The following F13A1 variants were observed in gnomAD, a reference collection of about 807,000 sequenced individuals.
The protein encoded by F13A1 is FSF, A subunit.
A neutral mutation model predicts 80.1 loss-of-function variants in F13A1; 47 were observed. The observed-to-expected ratio is 0.59, with a 90% CI of 0.46 to 0.75. The LOEUF (loss-of-function observed/expected upper bound fraction) is 0.75, where lower values mean the gene tolerates loss of function less well. F13A1 is among the 30% of genes least tolerant of loss of function. F13A1 has a pLI of 0.00. For missense variants in F13A1, 817 were observed against 930.4 expected (o/e 0.88, Z 1.59); for synonymous variants, 349 against 344.9 (o/e 1.01, Z -0.13).
chr6:6,145,447 G>T lies in F13A1; in HGVS notation c.*172C>A. On this transcript the variant is annotated 3_prime_UTR_variant, in exon 15 of 15. Transcript: ENST00000264870. ...ACTAACTTCCTTGCCGAATAGCCTG[G>T]GTTTGGAAAAGCATGTTTTTGAAAT... 1 of 787,042 alleles carries T rather than the reference G, an allele frequency of 1.3e-6. No homozygotes were observed. The highest frequency in any genetic ancestry group is 2.1e-6 in the Non-Finnish European group (1 of 468,154). 48.8% of individuals were successfully genotyped at this position (787,042 alleles called of 1,614,324 possible). A position where few individuals can be genotyped will look rare whatever the true frequency, so the allele number is the denominator to read the frequency against.
In F13A1 at chr6:6,297,371, T is replaced by C. The variant is rs1322636684; in HGVS notation, c.319+7980A>G. On this transcript the variant is annotated intron_variant, in intron 3 of 14. Transcript: ENST00000264870. Reference sequence around the variant, plus strand: ...GGTAGAATTTGGCTGTGAATCCATCTGGTCCTGGACTCTTTTTGGTTGGTA... The same window carrying C: ...GGTAGAATTTGGCTGTGAATCCATCCGGTCCTGGACTCTTTTTGGTTGGTA... Among the ~76,000 whole-genome samples, 753 of 150,736 alleles carry C rather than the reference T, an allele frequency of 5.0e-3. 4 individuals are homozygous for C. The highest frequency in any genetic ancestry group is 9.2e-3 in the Admixed American group (140 of 15,158).
chr6:6,275,241 C>T (rs551422043), intron 3 of F13A1, among the ~76,000 whole-genome samples: 5 of 151,886 alleles, frequency 3.3e-5, no homozygotes, highest in Admixed American at 2.0e-4. Context: ...AGGAAGTAGA[C>T]GCAACAGGTA....
intron 3 of F13A1, among the ~76,000 whole-genome samples, chr6:6,285,446 A>C (rs1758124363): frequency 6.6e-6 from 1 of 152,266 alleles, no homozygotes; most frequent in African/African-American, 2.4e-5. Flanking sequence ...CAAAACCTCC[A>C]ACAGTGCAGA....
chr6:6,293,806 G>A (rs1758270912), intron 3 of F13A1, among the ~76,000 whole-genome samples: 1 of 114,666 alleles, frequency 8.7e-6, no homozygotes, highest in Admixed American at 8.3e-5. Context: ...AGGGAGGGAG[G>A]GAGGGAGGGA....
At chr6:6,175,320 C>T (rs1017927898) in intron 11 of F13A1, among the ~76,000 whole-genome samples, 2 of 152,124 alleles carry the variant, frequency 1.3e-5, no homozygotes, top group African/African-American at 4.8e-5. Context: ...GAATACCTGC[C>T]CCCCAATAAG....
At chr6:6,220,704 C>T (rs545670852) in intron 8 of F13A1, among the ~76,000 whole-genome samples, 2 of 152,288 alleles carry the variant, frequency 1.3e-5, no homozygotes, top group Non-Finnish European at 2.9e-5. Context: ...ATCCCATATA[C>T]ATGCAGGGCT....
intron 13 of F13A1, among the ~76,000 whole-genome samples, chr6:6,153,127 A>C (rs1760407613): frequency 6.6e-6 from 1 of 152,254 alleles, no homozygotes; most frequent in African/African-American, 2.4e-5. Flanking sequence ...AATATTTATT[A>C]AATTAAGTCA....
At chr6:6,270,208 CATTTT>C (rs1166032663) in intron 3 of F13A1, among the ~76,000 whole-genome samples, 15 of 152,196 alleles carry the variant, frequency 9.9e-5, no homozygotes, top group Non-Finnish European at 4.4e-5. Context: ...GAGGATTTCA[CATTTT>C]ATTTATTTAA....
intron 3 of F13A1, among the ~76,000 whole-genome samples, chr6:6,292,132 T>A (rs1007771247): frequency 6.6e-6 from 1 of 152,198 alleles, no homozygotes; most frequent in African/African-American, 2.4e-5. Context: ...GAGATGGCCA[T>A]AGTCCAATGC....
Position 6,248,420 on chromosome 6 carries a change from C to G in F13A1, c.691-1G>C. 6.2e-6 allele frequency: 10 copies of G among 1,611,424 alleles called. No individual in the cohort carries two copies. Among genetic ancestry groups the G allele is most frequent in the Non-Finnish European group, 7.6e-6 (9 of 1,178,114 alleles). ...AAGTGTCCAGGATGCCATCTTCAAACTATTTGGAGAAAGAAAAACAAAGAG... is the reference window on the plus strand; with the variant it reads ...AAGTGTCCAGGATGCCATCTTCAAAGTATTTGGAGAAAGAAAAACAAAGAG... On this transcript the variant is annotated splice_acceptor_variant, in intron 5 of 14. Transcript: ENST00000264870. LOFTEE classifies it high-confidence loss of function.
At chr6:6,284,121 C>T (rs972173868) in intron 3 of F13A1, among the ~76,000 whole-genome samples, 5 of 152,184 alleles carry the variant, frequency 3.3e-5, no homozygotes, top group Admixed American at 6.5e-5. Flanking sequence ...TATGCATGCG[C>T]CTTCAGTAAT....
intron 10 of F13A1, among the ~76,000 whole-genome samples, chr6:6,193,002 T>C (rs1225284336): frequency 6.6e-6 from 1 of 152,168 alleles, no homozygotes; most frequent in Non-Finnish European, 1.5e-5. Context: ...TCTCATCTCC[T>C]CTCACCTATT....
chr6:6,159,596 A>C (rs1760538204), intron 13 of F13A1, among the ~76,000 whole-genome samples: 1 of 152,028 alleles, frequency 6.6e-6, no homozygotes, highest in Non-Finnish European at 1.5e-5. Flanking sequence ...GGGTCCCCTC[A>C]CTGTCTCCTT....
rs752589234 is a variant in F13A1, at chr6:6,318,558, A to C, written c.107T>G (p.Val36Gly). 1 of 1,613,728 alleles carries C rather than the reference A, an allele frequency of 6.2e-7. No individual in the cohort carries two copies. The highest frequency in any genetic ancestry group is 8.5e-7 in the Non-Finnish European group (1 of 1,179,880). The change falls in exon 2 of 15, where the codon GTG (valine) becomes GGG (glycine). Residue 36 changes from valine (V) to glycine (G), a missense_variant. By Grantham distance (109) the Val-to-Gly change is moderately radical. Transcript: ENST00000264870. ...DLPTVELQGV[V>G]PRGVNLQEFL... ...ACCTTGCAGGTTGACGCCCCGGGGCACCACGCCCTGAAGCTCCACTGTGGG... is the reference window on the plus strand; with the variant it reads ...ACCTTGCAGGTTGACGCCCCGGGGCCCCACGCCCTGAAGCTCCACTGTGGG...
chr6:6,235,704 C>G (rs180701267), intron 6 of F13A1, among the ~76,000 whole-genome samples: 32 of 152,084 alleles, frequency 2.1e-4, no homozygotes, highest in Admixed American at 1.8e-3. Context: ...AAATGCCCAT[C>G]CAATTTAGGA....
chr6:6,271,257 G>A (rs562815815), intron 3 of F13A1, among the ~76,000 whole-genome samples: 36 of 152,176 alleles, frequency 2.4e-4, no homozygotes, highest in Non-Finnish European at 3.7e-4. Flanking sequence ...CAGCACTGGG[G>A]AAGTACTCTC....
intron 8 of F13A1, among the ~76,000 whole-genome samples, chr6:6,219,247 G>T (rs561431828): frequency 5.5e-4 from 83 of 152,054 alleles, no homozygotes; most frequent in Non-Finnish European, 5.7e-4. Context: ...AGTCTACACC[G>T]CACTGACCTC....
intron 6 of F13A1, among the ~76,000 whole-genome samples, chr6:6,227,759 T>A (rs1757297062): frequency 6.6e-6 from 1 of 152,182 alleles, no homozygotes; most frequent in African/African-American, 2.4e-5. Context: ...CAAGGGCTAT[T>A]TATAGCATAG....
intron 3 of F13A1, among the ~76,000 whole-genome samples, chr6:6,293,743 AAGGG>A (rs1758267466): frequency 7.4e-6 from 1 of 135,450 alleles, no homozygotes; most frequent in Non-Finnish European, 1.6e-5. Context: ...GGAAGGGAGG[AAGGG>A]AGGGAGGAAG....
Sources: allele counts gnomAD v4.1 joint callset (sites outside exome capture counted in the v4.1 genomes callset), GRCh38; gene constraint gnomAD v4.1.1; transcripts MANE v1.5; gene names NCBI Gene and HGNC (gene_info 2026-07-23, HGNC 2026-07-21).